Variants in LPIN1 observed in about 807,000 individuals in gnomAD.
LPIN1 encodes the protein lipin 1, also known as phosphatidate phosphatase LPIN1.
In LPIN1, 71 loss-of-function variants were observed where a neutral mutation model predicts 107.5. The ratio of observed to expected loss-of-function variants is 0.66; its 90% CI spans 0.55 to 0.80. LPIN1 has a LOEUF of 0.80. Ranked by LOEUF, LPIN1 falls within the 30% of genes least tolerant of loss-of-function variation. The probability of loss-of-function intolerance (pLI) is 0.00; values close to 1 mark genes in which losing one functional copy is unlikely to be tolerated. For synonymous variants in LPIN1, 445 were observed against 452.6 expected, an observed-to-expected ratio of 0.98 and a Z score of 0.21; for missense variants, 1,043 against 1,160.6, an observed-to-expected ratio of 0.90 and a Z score of 1.47.
At position 11,803,750 on chromosome 2, in the gene LPIN1, C is replaced by T. The variant is rs998821480; in HGVS notation, c.2014-673C>T. Among the ~76,000 whole-genome samples, 2 of 152,006 alleles carry T rather than the reference C, an allele frequency of 1.3e-5. No homozygotes were observed. The highest frequency in any genetic ancestry group is 2.4e-5 in the African/African-American group (1 of 41,394). The stretch of plus-strand genomic sequence containing the variant: ...TGACTCACTGCTCCCACTGGCGACA[C>T]TGGGGACACCTGCAGTCAGGCAGCC... On this transcript the variant is annotated intron_variant, in intron 15 of 20. Coordinates refer to ENST00000674199, the MANE Select transcript of LPIN1 (RefSeq NM_001349206.2). The surrounding 1 kb of genome is among the most constrained non-coding windows in gnomAD (Gnocchi z 4.2).
rs529062651 is a variant in LPIN1, at chr2:11,807,746, C to T, written c.2249+2590C>T. On this transcript the variant is annotated intron_variant, in intron 17 of 20. Coordinates refer to ENST00000674199, the MANE Select transcript of LPIN1 (RefSeq NM_001349206.2). ...CATTGAGTTGGATATGTGTGTTGTCCGCGCACCCAGTCAGGCCTGTGTGAT... is the reference window on the plus strand; with the variant it reads ...CATTGAGTTGGATATGTGTGTTGTCTGCGCACCCAGTCAGGCCTGTGTGAT... Among the ~76,000 whole-genome samples the T allele has an allele frequency of 5.9e-5, 9 of 152,166 alleles. No individual in the cohort carries two copies. The East Asian group carries it at 9.7e-4, about 16-fold the overall frequency.
chr2:11,824,530 G>T (rs1395358088), intron 20 of LPIN1, 102 bp from the exon 21 acceptor site: 2 of 1,136,360 alleles, frequency 1.8e-6, no homozygotes, highest in Non-Finnish European at 2.7e-6. Flanking sequence ...TAAGTAGGCG[G>T]TCTGCTCCTT....
chr2:11,784,677 C>G (rs1674184346), intron 9 of LPIN1: 3 of 637,100 alleles, frequency 4.7e-6, no homozygotes, highest in Admixed American at 2.3e-5. Context: ...CAGGGAGATG[C>G]AGCCAGCTGA....
Position 11,771,976 on chromosome 2 carries a change from G to A in LPIN1, c.596+297G>A, listed in dbSNP as rs1300053197. On this transcript the variant is annotated intron_variant, in intron 4 of 20. Coordinates refer to ENST00000674199, the MANE Select transcript of LPIN1 (RefSeq NM_001349206.2). This position sits in a 1 kb window ranked among gnomAD's most constrained non-coding sequence, Gnocchi z 4.8. ...TACAACTCGCCATCATGTAGAATCA[G>A]TGGGAGCCCTGAGCTTGTTTTCCTG... Among the ~76,000 whole-genome samples the A allele has an allele frequency of 1.3e-5, 2 of 152,206 alleles. No homozygotes were observed. The highest frequency in any genetic ancestry group is 1.5e-5 in the Non-Finnish European group (1 of 68,040).
chr2:11,751,632 T>C (rs1667803347), intron 1 of LPIN1, among the ~76,000 whole-genome samples: 1 of 152,152 alleles, frequency 6.6e-6, no homozygotes, highest in African/African-American at 2.4e-5. Context: ...ATGGGTGGAT[T>C]ACGAGGTCAG....
intron 17 of LPIN1, among the ~76,000 whole-genome samples, chr2:11,810,630 G>T (rs10520098): frequency 0.041 from 6,205 of 152,204 alleles, 416 homozygotes; most frequent in African/African-American, 0.14. Flanking sequence ...TACAGCAGTG[G>T]CTCTCAACTG....
rs1341845716 is a variant in LPIN1, at chr2:11,803,527, C to T, written c.2013+494C>T. 2.0e-5 allele frequency among the ~76,000 whole-genome samples: 3 copies of T among 152,204 alleles called. No individual in the cohort carries two copies. The highest frequency in any genetic ancestry group is 7.2e-5 in the African/African-American group (3 of 41,452). On this transcript the variant is annotated intron_variant, in intron 15 of 20. Transcript: ENST00000674199. The surrounding 1 kb of genome is among the most constrained non-coding windows in gnomAD (Gnocchi z 4.2). ...GTGTGAGACCAGTTTTAATTAAAAG[C>T]CCTTTCTTGGATCCCGTTGGTCATG...
chr2:11,684,952 GCC>G (rs1558715101), intron 1 of LPIN1, among the ~76,000 whole-genome samples: 203 of 32,548 alleles, frequency 6.2e-3, no homozygotes, highest in African/African-American at 0.012. Context: ...CAAACATCCT[GCC>G]CTCCTGGAGC....
At chr2:11,678,712 G>A (rs1469135051) in intron 1 of LPIN1, among the ~76,000 whole-genome samples, 2 of 152,204 alleles carry the variant, frequency 1.3e-5, no homozygotes, top group Admixed American at 6.5e-5. Context: ...GTGTCCAGGC[G>A]GCAATGCAGT....
In LPIN1 at chr2:11,765,784, C is replaced by T. The variant is rs957549015; in HGVS notation, c.192+51C>T. 5.9e-6 allele frequency: 9 copies of T among 1,520,934 alleles called. No homozygotes were observed. Among genetic ancestry groups the T allele is most frequent in the Admixed American group, 1.8e-5 (1 of 54,536 alleles). 94.2% of individuals were successfully genotyped at this position (1,520,934 alleles called of 1,614,324 possible). A position where few individuals can be genotyped will look rare whatever the true frequency, so the allele number is the denominator to read the frequency against. On this transcript the variant is annotated intron_variant, in intron 2 of 20. Transcript: ENST00000674199. The surrounding 1 kb of genome is among the most constrained non-coding windows in gnomAD (Gnocchi z 4.4). ...GGCACCGGCTCTCCTTAGAGAATGC[C>T]CTTGTACTCTGGTGATGCCACCTGT...
intron 1 of LPIN1, among the ~76,000 whole-genome samples, chr2:11,740,578 G>A (rs1249420396): frequency 3.3e-5 from 5 of 151,554 alleles, no homozygotes; most frequent in African/African-American, 1.2e-4. Flanking sequence ...CAGCTACTTG[G>A]GAGGCTGTGG....
upstream of LPIN1, among the ~76,000 whole-genome samples, chr2:11,743,390 C>A (rs965605297): frequency 5.3e-5 from 8 of 152,312 alleles, no homozygotes; most frequent in Middle Eastern, 0.014. This position sits in a 1 kb window ranked among gnomAD's most constrained non-coding sequence, Gnocchi z 4.7. Context: ...ACCTTTTACA[C>A]CTGCCTCTTC....
At chr2:11,816,378 T>A (rs541281515) in intron 18 of LPIN1, 1 of 152,210 alleles carries the variant, frequency 6.6e-6, no homozygotes, top group African/African-American at 2.4e-5. Flanking sequence ...ATGCTGACAA[T>A]TTGCAACAAG....
chr2:11,743,551 G>A (rs1056997060), upstream of LPIN1, among the ~76,000 whole-genome samples: 5 of 152,150 alleles, frequency 3.3e-5, no homozygotes, highest in East Asian at 1.9e-4. This position sits in a 1 kb window ranked among gnomAD's most constrained non-coding sequence, Gnocchi z 4.7. Flanking sequence ...AAGAGAGTGC[G>A]CAGGACAAAG....
intron 1 of LPIN1, among the ~76,000 whole-genome samples, chr2:11,708,910 G>A (rs964734274): frequency 1.3e-5 from 2 of 152,038 alleles, no homozygotes; most frequent in African/African-American, 4.8e-5. Flanking sequence ...CCTCACAAGG[G>A]CCCTATGACA....
chr2:11,765,332 C>A lies in LPIN1; in HGVS notation c.-9-201C>A, dbSNP rs1310484164. Among the ~76,000 whole-genome samples the A allele has an allele frequency of 2.7e-5, 4 of 150,054 alleles. No homozygotes were observed. Among genetic ancestry groups the A allele is most frequent in the African/African-American group, 9.8e-5 (4 of 40,656 alleles). On this transcript the variant is annotated intron_variant, in intron 1 of 20. Coordinates refer to ENST00000674199, the MANE Select transcript of LPIN1 (RefSeq NM_001349206.2). The surrounding 1 kb of genome is among the most constrained non-coding windows in gnomAD (Gnocchi z 4.4). ...GGACCCTGATGGGCCATGATGGACA[C>A]TGATGGGCCGTGATGGGCCCTGATG...
intron 14 of LPIN1, 108 bp from the exon 15 acceptor site, chr2:11,802,799 G>T: frequency 1.5e-6 from 2 of 1,299,622 alleles, no homozygotes; most frequent in Non-Finnish European, 2.2e-6. Context: ...CGAGAGACGG[G>T]ACTCAGGAGA....
rs757984900 is a variant in LPIN1 at position 11,819,496 on chromosome 2, AAAG to A, written c.2419_2421del (p.Lys807del). The A allele has an allele frequency of 1.4e-5, 23 of 1,609,502 alleles. No homozygotes were observed. The highest frequency in any genetic ancestry group is 1.8e-5 in the Non-Finnish European group (21 of 1,175,728). ...ATTTGTTTAACAGAGAAGTGATTGA[AAAG>A]AAGCCAGAAAAGTTTAAAGTCCAGT... On this transcript the variant is annotated inframe_deletion, in exon 19 of 21. Transcript: ENST00000674199.
intron 13 of LPIN1, among the ~76,000 whole-genome samples, chr2:11,793,993 G>T (rs1676233839): frequency 6.6e-6 from 1 of 152,094 alleles, no homozygotes; most frequent in Admixed American, 6.5e-5. Context: ...CAGTCAAGTT[G>T]GTTATTTTAA....
Sources: gnomAD v4.1 joint callset for allele counts (sites outside exome capture counted in the v4.1 genomes callset) on GRCh38, gnomAD v4.1.1 for gene constraint, Gnocchi (gnomAD v3.1) non-coding constraint, MANE v1.5 for transcripts, NCBI Gene and HGNC (gene_info 2026-07-23, HGNC 2026-07-21) for gene names.